Variants in ARHGAP31 observed in about 807,000 individuals in gnomAD.
The protein encoded by ARHGAP31 is Rho GTPase activating protein 31, also known as rho GTPase-activating protein 31.
In ARHGAP31, 34 loss-of-function variants were observed where a neutral mutation model predicts 113.9. The observed-to-expected ratio is 0.30, with a 90% CI of 0.23 to 0.40. ARHGAP31 has a LOEUF of 0.40. Ranked by LOEUF, ARHGAP31 falls within the 10% of genes least tolerant of loss-of-function variation. ARHGAP31 has a pLI of 1.00. For synonymous variants in ARHGAP31, 650 were observed against 684.8 expected (o/e 0.95, Z 0.79); for missense variants, 1,548 against 1,767.1 (o/e 0.88, Z 2.22).
intron 1 of ARHGAP31, chr3:119,329,936 G>C (rs1028499524): frequency 1.0e-6 from 1 of 985,472 alleles, no homozygotes; most frequent in Non-Finnish European, 1.2e-6. Flanking sequence ...AACAAACAAA[G>C]ACGCTGAAGA....
chr3:119,339,849 T>C (rs1219861785), intron 1 of ARHGAP31, among the ~76,000 whole-genome samples: 2 of 152,184 alleles, frequency 1.3e-5, no homozygotes, highest in Non-Finnish European at 2.9e-5. Flanking sequence ...GGAAAATCCT[T>C]GGAATCTGGG....
intron 6 of ARHGAP31, 41 bp from the exon 7 acceptor site, chr3:119,390,744 C>T (rs757195174): frequency 6.3e-7 from 1 of 1,588,894 alleles, no homozygotes; most frequent in Non-Finnish European, 8.6e-7. Flanking sequence ...ATGTGATGGG[C>T]AGGCCTCCTC....
At chr3:119,296,353 A>G (rs1280434908) in intron 1 of ARHGAP31, among the ~76,000 whole-genome samples, 1 of 152,254 alleles carries the variant, frequency 6.6e-6, no homozygotes, top group African/African-American at 2.4e-5. Flanking sequence ...AATCCTCACC[A>G]ACCATCTGGA....
At chr3:119,315,782 A>G (rs2079725083) in intron 1 of ARHGAP31, among the ~76,000 whole-genome samples, 1 of 152,268 alleles carries the variant, frequency 6.6e-6, no homozygotes, top group South Asian at 2.1e-4. Context: ...AGAGGCTTGC[A>G]CAATACAGAG....
chr3:119,306,236 G>A (rs1024558878), intron 1 of ARHGAP31, among the ~76,000 whole-genome samples: 5 of 152,134 alleles, frequency 3.3e-5, no homozygotes, highest in Non-Finnish European at 5.9e-5. Context: ...TGGACTCCTT[G>A]AGACAAAATG....
At chr3:119,386,893 T>C (rs2107633752) in intron 6 of ARHGAP31, among the ~76,000 whole-genome samples, 2 of 152,306 alleles carry the variant, frequency 1.3e-5, no homozygotes, top group East Asian at 3.9e-4. Context: ...TATCAGGGAC[T>C]ATTAGTATTT....
chr3:119,351,226 C>T (rs1275388396), intron 1 of ARHGAP31, among the ~76,000 whole-genome samples: 1 of 152,186 alleles, frequency 6.6e-6, no homozygotes, highest in Admixed American at 6.5e-5. Context: ...GAATCTCATA[C>T]GTGTAGATTA....
In ARHGAP31 at chr3:119,415,564, T is replaced by C. The variant is rs1469698563; in HGVS notation, c.3635T>C (p.Ile1212Thr). 6.2e-7 allele frequency: 1 copy of C among 1,613,952 alleles called. No individual in the cohort carries two copies. Among genetic ancestry groups the C allele is most frequent in the South Asian group, 1.1e-5 (1 of 91,074 alleles). The part of the protein sequence containing the change: ...VIPPKIQYTQ[I>T]PQPLPSQSSG... Reference sequence around the variant, plus strand: ...CCTCCCAAGATTCAGTACACCCAGATCCCACAGCCCCTGCCCTCTCAGAGC... The same window carrying C: ...CCTCCCAAGATTCAGTACACCCAGACCCCACAGCCCCTGCCCTCTCAGAGC... Residue 1212 changes from isoleucine (I) to threonine (T), a missense_variant, in exon 12 of 12, where the codon ATC (isoleucine) becomes ACC (threonine). By Grantham distance (89) the Ile-to-Thr change is moderately conservative. Transcript: ENST00000264245.
chr3:119,350,817 CAAA>C (rs928262339), intron 1 of ARHGAP31, among the ~76,000 whole-genome samples: 10 of 152,192 alleles, frequency 6.6e-5, no homozygotes, highest in African/African-American at 2.4e-4. Flanking sequence ...AAATGAGAAA[CAAA>C]AACAAAACAA....
chr3:119,395,945 G>A (rs80214670), intron 8 of ARHGAP31, among the ~76,000 whole-genome samples: 3,339 of 152,240 alleles, frequency 0.022, 43 homozygotes, highest in Non-Finnish European at 0.033. Context: ...GGAGAAACTG[G>A]GGAGAAGAGT....
intron 1 of ARHGAP31, among the ~76,000 whole-genome samples, chr3:119,338,726 G>A (rs2079980822): frequency 6.6e-6 from 1 of 152,078 alleles, no homozygotes; most frequent in Non-Finnish European, 1.5e-5. Context: ...AAACTAAAAA[G>A]CAAAATCAGA....
rs2080802992 is a variant in ARHGAP31, at chr3:119,419,164, A to G, written c.*2900A>G. 1 of 152,174 alleles carries G rather than the reference A, an allele frequency of 6.6e-6. No individual in the cohort carries two copies. The highest frequency in any genetic ancestry group is 2.4e-5 in the African/African-American group (1 of 41,422). 9.4% of individuals were successfully genotyped at this position (152,174 alleles called of 1,614,324 possible). ...GGAGCTGCTGTGTTTAGGAGGATTT[A>G]CCTGGTGCCCTAGAAAGGGCTATGC... On this transcript the variant is annotated 3_prime_UTR_variant, in exon 12 of 12. Transcript: ENST00000264245.
At chr3:119,387,112 C>T (rs1577023869) in intron 6 of ARHGAP31, among the ~76,000 whole-genome samples, 1 of 94,734 alleles carries the variant, frequency 1.1e-5, no homozygotes, top group African/African-American at 4.9e-5. Flanking sequence ...GAAAGGGAGA[C>T]CCCCCTTTCC....
chr3:119,368,737 G>A lies in ARHGAP31; in HGVS notation c.348+221G>A, dbSNP rs147584470. Among the ~76,000 whole-genome samples the A allele has an allele frequency of 2.3e-3, 348 of 152,288 alleles. 4 individuals carry two copies. The highest frequency in any genetic ancestry group is 8.1e-3 in the African/African-American group (338 of 41,548). The stretch of plus-strand genomic sequence containing the variant: ...CAGAATCATGTTGTTTGTTTTAAGA[G>A]CTGGGTTGAATTATCTCCATGTTTA... On this transcript the variant is annotated intron_variant, in intron 3 of 11. Coordinates refer to ENST00000264245, the MANE Select transcript of ARHGAP31 (RefSeq NM_020754.4).
chr3:119,414,936 G>T lies in ARHGAP31; in HGVS notation c.3007G>T (p.Ala1003Ser). 6.2e-7 allele frequency: 1 copy of T among 1,614,200 alleles called. No individual in the cohort carries two copies. The highest frequency in any genetic ancestry group is 1.3e-5 in the African/African-American group (1 of 75,060). The change falls in exon 12 of 12, where the codon GCC becomes TCC. Residue 1003 changes from alanine (A) to serine (S), a missense_variant. By Grantham distance (99) the Ala-to-Ser change is moderately conservative. Coordinates refer to ENST00000264245, the MANE Select transcript of ARHGAP31 (RefSeq NM_020754.4). Reference protein sequence around the residue: ...RREITGWDEKALRSFREFSGL... With the variant: ...RREITGWDEKSLRSFREFSGL... ...AGAGATTACTGGATGGGATGAGAAAGCCCTGAGGTCCTTCAGAGAGTTCTC... is the reference window on the plus strand; with the variant it reads ...AGAGATTACTGGATGGGATGAGAAATCCCTGAGGTCCTTCAGAGAGTTCTC...
chr3:119,343,205 T>C (rs897444995), intron 1 of ARHGAP31, among the ~76,000 whole-genome samples: 1 of 152,156 alleles, frequency 6.6e-6, no homozygotes, highest in Non-Finnish European at 1.5e-5. Context: ...TCCTAGTAGG[T>C]GCCAGGGGGA....
intron 1 of ARHGAP31, among the ~76,000 whole-genome samples, chr3:119,316,898 T>A (rs999512347): frequency 2.6e-4 from 39 of 152,334 alleles, no homozygotes; most frequent in African/African-American, 9.4e-4. Context: ...AAAACTTCTT[T>A]TGTGCCGCAG....
Position 119,390,944 on chromosome 3 carries a change from G to A in ARHGAP31, c.842G>A (p.Gly281Asp). ...CTGCCTGAGATTGTCCCTCCCATGG[G>A]CACCCTCTTCCACACTGTCCTTGAG... ...NSLPEIVPPM[G>D]TLFHTVLELP... The change falls in exon 7 of 12, where the codon GGC (glycine) becomes GAC (aspartate). Residue 281 changes from glycine to aspartate, a missense_variant. Transcript: ENST00000264245. The A allele has an allele frequency of 6.2e-7, 1 of 1,614,144 alleles. No homozygotes were observed. The highest frequency in any genetic ancestry group is 8.5e-7 in the Non-Finnish European group (1 of 1,180,024).
chr3:119,391,012 G>A, intron 7 of ARHGAP31, 29 bp downstream of exon 7: 1 of 1,608,830 alleles, frequency 6.2e-7, no homozygotes, highest in Non-Finnish European at 8.5e-7. Context: ...AAAAATTCTA[G>A]GAGATGTGTG....
Sources: allele counts gnomAD v4.1 joint callset (sites outside exome capture counted in the v4.1 genomes callset), GRCh38; gene constraint gnomAD v4.1.1; transcripts MANE v1.5; gene names NCBI Gene and HGNC (gene_info 2026-07-23, HGNC 2026-07-21).